Variants in SVEP1 observed in about 807,000 individuals in gnomAD.
SVEP1 encodes the protein sushi, von Willebrand factor type A, EGF and pentraxin domain containing 1.
In SVEP1, 164 loss-of-function variants were observed where a neutral mutation model predicts 367.3. That is an observed-to-expected ratio of 0.45 (90% confidence interval 0.39 to 0.51). The LOEUF is 0.51. Ranked by LOEUF, SVEP1 falls within the 20% of genes least tolerant of loss-of-function variation. The pLI is 0.00. For missense variants in SVEP1, 4,117 were observed against 4,425.3 expected, an observed-to-expected ratio of 0.93 and a Z score of 1.98; for synonymous variants, 1,666 against 1,611.6, an observed-to-expected ratio of 1.03 and a Z score of -0.81.
chr9:110,443,859 C>G (rs1355015184), intron 26 of SVEP1, 139 bp from the exon 27 acceptor site: 2 of 644,248 alleles, frequency 3.1e-6, no homozygotes, highest in African/African-American at 1.9e-5. Flanking sequence ...CTTTTTTTTT[C>G]TCCATTTGGT....
intron 3 of SVEP1, among the ~76,000 whole-genome samples, chr9:110,517,718 G>C (rs1829823135): frequency 6.9e-6 from 1 of 145,694 alleles, no homozygotes; most frequent in Non-Finnish European, 1.5e-5. Context: ...AATCCAGCCT[G>C]GGGCCTGGAT....
chr9:110,574,631 T>C (rs138438213), intron 1 of SVEP1, among the ~76,000 whole-genome samples: 27 of 152,296 alleles, frequency 1.8e-4, no homozygotes, highest in African/African-American at 6.3e-4. Context: ...ACCAATTTTC[T>C]CTAAATCTTA....
At chr9:110,441,458 T>G (rs6477770) in intron 27 of SVEP1, among the ~76,000 whole-genome samples, 123,760 of 152,096 alleles carry the variant, frequency 0.81, 50,596 homozygotes, top group East Asian at 0.99. Context: ...ATAACAAAAT[T>G]CATGTGTCCT....
In SVEP1 at chr9:110,527,577, A is replaced by C. The variant is rs538346314; in HGVS notation, c.965-13471T>G. Among the ~76,000 whole-genome samples the C allele has an allele frequency of 3.5e-4, 54 of 152,184 alleles. 1 individual carries two copies. The highest frequency in any genetic ancestry group is 3.0e-3 in the Admixed American group (45 of 15,254). On this transcript the variant is annotated intron_variant, in intron 3 of 47. Coordinates refer to ENST00000374469, the MANE Select transcript of SVEP1 (RefSeq NM_153366.4). ...GGAAAGTATCAATTAATGTTTGCCA[A>C]TACTATGGCTCAGAAATATTTTCAT...
At chr9:110,402,612 C>CT (rs1160023062) in intron 39 of SVEP1, among the ~76,000 whole-genome samples, 1 of 151,952 alleles carries the variant, frequency 6.6e-6, no homozygotes, top group Non-Finnish European at 1.5e-5. Flanking sequence ...AGCTTAGTAT[C>CT]TTTTTTAGCC....
intron 17 of SVEP1, among the ~76,000 whole-genome samples, chr9:110,467,974 C>G (rs1328290195): frequency 7.3e-6 from 1 of 136,186 alleles, no homozygotes; most frequent in East Asian, 2.5e-4. Flanking sequence ...CCTACTTTCT[C>G]CACGTGACAT....
At chr9:110,393,112 A>ATATATG (rs1827692770) in intron 40 of SVEP1, among the ~76,000 whole-genome samples, 1 of 152,176 alleles carries the variant, frequency 6.6e-6, no homozygotes, top group Non-Finnish European at 1.5e-5. Flanking sequence ...AAATTTTTAA[A>ATATATG]TTATCTGCTT....
intron 21 of SVEP1, 125 bp from the exon 22 acceptor site, chr9:110,455,828 T>A: frequency 1.4e-5 from 6 of 432,836 alleles, no homozygotes; most frequent in Non-Finnish European, 1.9e-5. Context: ...TAAAGGGTAA[T>A]ATTCATTAAG....
chr9:110,383,467 G>C (rs1827471835), intron 43 of SVEP1, among the ~76,000 whole-genome samples: 1 of 148,094 alleles, frequency 6.8e-6, no homozygotes, highest in Non-Finnish European at 1.5e-5. Context: ...CTGTCCCAGA[G>C]GGGCACTGAC....
At chr9:110,428,578 A>T (rs1263743639) in intron 35 of SVEP1, among the ~76,000 whole-genome samples, 2 of 152,190 alleles carry the variant, frequency 1.3e-5, no homozygotes, top group Non-Finnish European at 2.9e-5. Context: ...TATGCTTCAT[A>T]AACTATTTTT....
intron 1 of SVEP1, among the ~76,000 whole-genome samples, chr9:110,554,261 C>A (rs1354256672): frequency 6.6e-6 from 1 of 151,852 alleles, no homozygotes; most frequent in Admixed American, 6.6e-5. Flanking sequence ...TTTTCTTTTC[C>A]AATAGAGCTT....
Position 110,435,293 on chromosome 9 carries a change from C to A in SVEP1, c.4836G>T (p.Leu1612Phe). Reference protein sequence around the residue: ...KGNVLAWPDFLSGIVGKVKID... With the variant: ...KGNVLAWPDFFSGIVGKVKID... ...TCTTCACTTTCCCCACAATTCCTGA[C>A]AAGAAATCAGGCCATGCTAACACGT... Residue 1612 changes from leucine (L) to phenylalanine (F), a missense_variant, in exon 29 of 48, where the codon TTG (leucine) becomes TTT (phenylalanine). Leu to Phe is a conservative substitution (Grantham distance 22). This residue lies in a region of SVEP1 where 2,174 missense variants were observed against 2,494.3 expected (regional missense o/e 0.87). Transcript: ENST00000374469. 1 of 1,613,650 alleles carries A rather than the reference C, an allele frequency of 6.2e-7. No individual in the cohort carries two copies. Among genetic ancestry groups the A allele is most frequent in the Non-Finnish European group, 8.5e-7 (1 of 1,179,604 alleles).
Position 110,458,967 on chromosome 9 carries a change from T to C in SVEP1, c.3469A>G (p.Ile1157Val), listed in dbSNP as rs7038903. 0.16 allele frequency: 257,568 copies of C among 1,612,324 alleles called. 21,364 individuals carry two copies. The highest frequency in any genetic ancestry group is 0.26 in the African/African-American group (19,599 of 74,896). Residue 1157 changes from isoleucine to valine, a missense_variant, in exon 19 of 48, where the codon ATC becomes GTC. By Grantham distance (29) the Ile-to-Val change is conservative (BLOSUM62 3). Transcript: ENST00000374469. ...GTTPFAGSRSITECSSFSSTF... is the reference protein window; with the variant it reads ...GTTPFAGSRSVTECSSFSSTF... ...TTCATCTTACTTGAACATTCTGTGATGGATCTGGAACCAGCGAATGGGGTA... is the reference window on the plus strand; with the variant it reads ...TTCATCTTACTTGAACATTCTGTGACGGATCTGGAACCAGCGAATGGGGTA...
intron 13 of SVEP1, 120 bp downstream of exon 13, chr9:110,479,515 G>A (rs746862386): frequency 4.2e-6 from 5 of 1,179,990 alleles, no homozygotes; most frequent in African/African-American, 1.6e-5. Context: ...TAAATATTAG[G>A]TACATGTCTG....
intron 3 of SVEP1, among the ~76,000 whole-genome samples, chr9:110,524,721 T>A (rs1424382866): frequency 6.6e-6 from 1 of 151,820 alleles, no homozygotes; most frequent in African/African-American, 2.4e-5. Context: ...TTATTACTTT[T>A]TTTTTTTTTA....
At chr9:110,385,661 A>G (rs1337412721) in intron 43 of SVEP1, among the ~76,000 whole-genome samples, 2 of 152,240 alleles carry the variant, frequency 1.3e-5, no homozygotes, top group Admixed American at 1.3e-4. Flanking sequence ...TTCTTAGAGG[A>G]GCACATTTTG....
chr9:110,451,266 T>C, intron 23 of SVEP1, 23 bp downstream of exon 23: 8 of 1,581,668 alleles, frequency 5.1e-6, no homozygotes, highest in South Asian at 3.3e-5. Flanking sequence ...TAAGACAACA[T>C]AGGAAGACTG....
chr9:110,485,493 A>C (rs1829262067), intron 9 of SVEP1, among the ~76,000 whole-genome samples: 1 of 152,148 alleles, frequency 6.6e-6, no homozygotes, highest in Non-Finnish European at 1.5e-5. Flanking sequence ...CTCAATACCT[A>C]GGTGATGGGT....
intron 6 of SVEP1, 93 bp downstream of exon 6, chr9:110,502,945 G>C: frequency 7.5e-7 from 1 of 1,334,388 alleles, no homozygotes; most frequent in Non-Finnish European, 1.0e-6. Context: ...CTCATTACCA[G>C]CTAGTGTTTA....
Sources: gnomAD v4.1 joint callset for allele counts (sites outside exome capture counted in the v4.1 genomes callset) on GRCh38, gnomAD v4.1.1 for gene constraint, gnomAD v4.1.1 regional missense constraint, MANE v1.5 for transcripts, NCBI Gene and HGNC (gene_info 2026-07-23, HGNC 2026-07-21) for gene names.